TMC2: variants seen among roughly 807,000 people sequenced by gnomAD.
The protein encoded by TMC2 is transmembrane channel like 2.
TMC2 carries 102 observed loss-of-function variants against 105.9 expected under a neutral mutation model. The observed-to-expected ratio is 0.96, with a 90% CI of 0.82 to 1.14. The LOEUF (loss-of-function observed/expected upper bound fraction) is 1.14. Ranked by LOEUF, TMC2 falls within the 50% of genes most tolerant of loss-of-function variation. TMC2 has a pLI of 0.00. For missense variants in TMC2, 1,093 were observed against 1,134.3 expected (o/e 0.96, Z 0.52); for synonymous variants, 402 against 422.8 (o/e 0.95, Z 0.60).
In TMC2 at chr20:2,574,736, C is replaced by T. The variant is rs571309303; in HGVS notation, c.645+2467C>T. 2.0e-5 allele frequency among the ~76,000 whole-genome samples: 3 copies of T among 151,690 alleles called. No individual in the cohort carries two copies. In the East Asian group the frequency reaches 5.8e-4, roughly 29 times the overall value. On this transcript the variant is annotated intron_variant, in intron 5 of 19. Transcript: ENST00000358864. ...TGTTGGGTTTGAATCTTTCTTATTCCTTTGTTTTTTTGTTTTTTTTTCTCT... is the reference window on the plus strand; with the variant it reads ...TGTTGGGTTTGAATCTTTCTTATTCTTTTGTTTTTTTGTTTTTTTTTCTCT...
intron 4 of TMC2, among the ~76,000 whole-genome samples, chr20:2,562,647 G>A (rs1029207511): frequency 6.6e-6 from 1 of 152,148 alleles, no homozygotes; most frequent in Non-Finnish European, 1.5e-5. Flanking sequence ...ATGATTCTGG[G>A]GTCTTTGCTG....
At chr20:2,595,674 G>A (rs944330809) in intron 9 of TMC2, among the ~76,000 whole-genome samples, 26 of 152,068 alleles carry the variant, frequency 1.7e-4, no homozygotes, top group Admixed American at 9.2e-4. Flanking sequence ...TGGGGGTCAC[G>A]GAGTGGAAGG....
chr20:2,568,838 G>A (rs2086082688), intron 4 of TMC2, among the ~76,000 whole-genome samples: 1 of 152,136 alleles, frequency 6.6e-6, no homozygotes, highest in South Asian at 2.1e-4. Flanking sequence ...AGGACAGGCA[G>A]CCTCACTAGC....
intron 6 of TMC2, among the ~76,000 whole-genome samples, chr20:2,579,444 C>G (rs189202910): frequency 6.7e-6 from 1 of 150,316 alleles, no homozygotes; most frequent in South Asian, 2.1e-4. Context: ...ATTTTTGAGA[C>G]AGAGTCTCGC....
At position 2,555,693 on chromosome 20, in the gene TMC2, G is replaced by A. The variant is rs560607186; in HGVS notation, c.83-2763G>A. Reference sequence around the variant, plus strand: ...CCATATTTGTTGCTGGTTTCTCTTTGATGTCCTTGTTCTTTGTTCCTATTT... The same window carrying A: ...CCATATTTGTTGCTGGTTTCTCTTTAATGTCCTTGTTCTTTGTTCCTATTT... On this transcript the variant is annotated intron_variant, in intron 2 of 19. Coordinates refer to ENST00000358864, the MANE Select transcript of TMC2 (RefSeq NM_080751.3). Among the ~76,000 whole-genome samples the A allele has an allele frequency of 3.3e-5, 5 of 152,226 alleles. No individual in the cohort carries two copies. In the East Asian group the frequency reaches 7.7e-4, roughly 23 times the overall value.
At chr20:2,624,573 G>A (rs919467094) in intron 17 of TMC2, among the ~76,000 whole-genome samples, 177 bp downstream of exon 17, 4 of 152,198 alleles carry the variant, frequency 2.6e-5, no homozygotes, top group Non-Finnish European at 5.9e-5. Flanking sequence ...TTGAGACAAG[G>A]AAGGGAAAGG....
intron 2 of TMC2, among the ~76,000 whole-genome samples, chr20:2,548,777 T>A (rs1281564881): frequency 6.6e-6 from 1 of 152,182 alleles, no homozygotes; most frequent in Non-Finnish European, 1.5e-5. Flanking sequence ...CAAAATATAA[T>A]TACTGTTCAC....
intron 2 of TMC2, among the ~76,000 whole-genome samples, chr20:2,548,897 T>G (rs1008667824): frequency 4.6e-5 from 7 of 152,158 alleles, no homozygotes; most frequent in Non-Finnish European, 1.0e-4. Flanking sequence ...GGAACCTATA[T>G]AAGTCTAGAA....
chr20:2,580,101 T>C, intron 7 of TMC2, 45 bp downstream of exon 7: 2 of 1,210,132 alleles, frequency 1.7e-6, no homozygotes, highest in Admixed American at 1.9e-5. Context: ...TTAAGGCTTA[T>C]GACCACCGTC....
chr20:2,598,705 G>C (rs541592037), intron 10 of TMC2, among the ~76,000 whole-genome samples: 5 of 152,176 alleles, frequency 3.3e-5, no homozygotes, highest in African/African-American at 1.2e-4. Flanking sequence ...ACTGTGCCCA[G>C]CCCATGTCTC....
intron 11 of TMC2, among the ~76,000 whole-genome samples, chr20:2,602,949 T>C (rs974683094): frequency 2.6e-5 from 4 of 152,254 alleles, no homozygotes; most frequent in African/African-American, 9.6e-5. Flanking sequence ...AGCTTGGTCA[T>C]GTGACTTGGT....
rs896932813 is a variant in TMC2, at chr20:2,558,779, G to A, written c.401+5G>A. On this transcript the variant is annotated splice_donor_5th_base_variant and intron_variant, in intron 3 of 19. Coordinates refer to ENST00000358864, the MANE Select transcript of TMC2 (RefSeq NM_080751.3). This position sits in a 1 kb window ranked among gnomAD's most constrained non-coding sequence, Gnocchi z 4.6. ...GAAGCGGCAGAAGAAACCCAGGTGT[G>A]TTGTGGCTCCGATTCTGGGCATTCG... 5 of 1,530,070 alleles carry A rather than the reference G, an allele frequency of 3.3e-6. No individual in the cohort carries two copies. Among genetic ancestry groups the A allele is most frequent in the East Asian group, 2.3e-5 (1 of 44,088 alleles). The allele number at this position is 1,530,070 out of a possible 1,614,324, so 94.8% of individuals were successfully genotyped here. A position where few individuals can be genotyped will look rare whatever the true frequency, so the allele number is the denominator to read the frequency against.
chr20:2,573,667 T>C (rs2086120147), intron 5 of TMC2, among the ~76,000 whole-genome samples: 1 of 150,912 alleles, frequency 6.6e-6, no homozygotes, highest in Non-Finnish European at 1.5e-5. Flanking sequence ...TTCACGCCAT[T>C]CTCCTGCCTC....
chr20:2,541,416 G>A (rs934716912), intron 2 of TMC2, among the ~76,000 whole-genome samples: 23 of 152,102 alleles, frequency 1.5e-4, no homozygotes, highest in African/African-American at 4.8e-4. Flanking sequence ...CGAGGCAGGC[G>A]GATTAATTAA....
chr20:2,578,138 T>C (rs956528888), intron 5 of TMC2, among the ~76,000 whole-genome samples: 1 of 151,956 alleles, frequency 6.6e-6, no homozygotes, highest in African/African-American at 2.4e-5. Flanking sequence ...CTGGCCAACA[T>C]GGTGAAACCC....
At chr20:2,596,526 G>A (rs775126354) in intron 9 of TMC2, among the ~76,000 whole-genome samples, 3 of 151,764 alleles carry the variant, frequency 2.0e-5, no homozygotes, top group African/African-American at 4.8e-5. Context: ...CCAGCTACTC[G>A]GGAGGCTGAG....
chr20:2,589,269 C>CGTGTGTGTGTGTGTGTGTGTGTGTGTGT (rs764448789), intron 7 of TMC2, among the ~76,000 whole-genome samples: 4 of 84,710 alleles, frequency 4.7e-5, no homozygotes, highest in Admixed American at 2.1e-4. Context: ...TCCTATTTGC[C>CGTGTGTGTGTGTGTGTGTGTGTGTGTGT]CTGTGTGTGT....
At chr20:2,634,628 T>C (rs1385163565) in intron 17 of TMC2, among the ~76,000 whole-genome samples, 1 of 152,070 alleles carries the variant, frequency 6.6e-6, no homozygotes, top group African/African-American at 2.4e-5. Flanking sequence ...CCTTGGGAGG[T>C]ACATAGCCAC....
At chr20:2,559,053 G>A (rs1308791700) in intron 3 of TMC2, among the ~76,000 whole-genome samples, 1 of 151,998 alleles carries the variant, frequency 6.6e-6, no homozygotes, top group Admixed American at 6.6e-5. Context: ...GGCGCGGGTG[G>A]AGAGGTGGCG....
Sources: gnomAD v4.1 joint callset for allele counts (sites outside exome capture counted in the v4.1 genomes callset) on GRCh38, gnomAD v4.1.1 for gene constraint, Gnocchi (gnomAD v3.1) non-coding constraint, MANE v1.5 for transcripts, NCBI Gene and HGNC (gene_info 2026-07-23, HGNC 2026-07-21) for gene names.